PCDHGA11: variants seen among roughly 807,000 people sequenced by gnomAD.
PCDHGA11 encodes protocadherin gamma subfamily A, 11, also known as protocadherin gamma-A11.
In PCDHGA11, 39 loss-of-function variants were observed where a neutral mutation model predicts 60.4. The ratio of observed to expected loss-of-function variants is 0.65; its 90% CI spans 0.50 to 0.84. The LOEUF is 0.84. Ranked by LOEUF, PCDHGA11 falls within the 40% of genes least tolerant of loss-of-function variation. The pLI, the probability that PCDHGA11 is intolerant of heterozygous loss-of-function variation, is 0.00. For synonymous variants in PCDHGA11, 533 were observed against 510.3 expected (o/e 1.04, Z -0.60); for missense variants, 1,165 against 1,197.7 (o/e 0.97, Z 0.40).
chr5:141,501,311 AC>A (rs2099807696), intron 2 of PCDHGA11, among the ~76,000 whole-genome samples: 1 of 151,670 alleles, frequency 6.6e-6, no homozygotes, highest in Non-Finnish European at 1.5e-5. Context: ...ACACACACAC[AC>A]ACACACACAC....
rs777058727 is a variant in PCDHGA11 at position 141,431,947 on chromosome 5, A to G, written c.2433+8287A>G. 6 of 1,614,052 alleles carry G rather than the reference A, an allele frequency of 3.7e-6. No homozygotes were observed. The highest frequency in any genetic ancestry group is 2.2e-5 in the East Asian group (1 of 44,894). ...GAAATCTGCCCTTTAAATTAGAAAAATCTTACGGAAATTACTATAGTTTAG... is the reference window on the plus strand; with the variant it reads ...GAAATCTGCCCTTTAAATTAGAAAAGTCTTACGGAAATTACTATAGTTTAG... On this transcript the variant is annotated intron_variant, in intron 1 of 3. Transcript: ENST00000398587. This position sits in a 1 kb window ranked among gnomAD's most constrained non-coding sequence, Gnocchi z 4.8.
rs756658304 is a variant in PCDHGA11, at chr5:141,485,531, G to C, written c.2434-9276G>C. 6.8e-6 allele frequency: 11 copies of C among 1,614,218 alleles called. No homozygotes were observed. In the Admixed American group the frequency reaches 1.5e-4, roughly 22 times the overall value. On this transcript the variant is annotated intron_variant, in intron 1 of 3. Transcript: ENST00000398587. This position sits in a 1 kb window ranked among gnomAD's most constrained non-coding sequence, Gnocchi z 5.7. ...AGGTCCTTTGGAAATGTACCGAGCA[G>C]AGGTAGAGATCGTAGATGTGAATGA... is the stretch of plus-strand genomic sequence containing the variant.
At chr5:141,502,494 A>G (rs928571740) in intron 2 of PCDHGA11, among the ~76,000 whole-genome samples, 2 of 152,180 alleles carry the variant, frequency 1.3e-5, no homozygotes, top group South Asian at 2.1e-4. Context: ...GGACTCATCT[A>G]ACGTCGGCCT....
Position 141,486,979 on chromosome 5 carries a change from C to T in PCDHGA11, c.2434-7828C>T. On this transcript the variant is annotated intron_variant, in intron 1 of 3. Transcript: ENST00000398587. This position sits in a 1 kb window ranked among gnomAD's most constrained non-coding sequence, Gnocchi z 5.0. ...CTGCTGTGGACTTGGATTCAGGTTACAATGCTTGGGTTTCCTATCAGCTCC... is the reference window on the plus strand; with the variant it reads ...CTGCTGTGGACTTGGATTCAGGTTATAATGCTTGGGTTTCCTATCAGCTCC... 6.2e-7 allele frequency: 1 copy of T among 1,614,200 alleles called. No individual in the cohort carries two copies. Among genetic ancestry groups the T allele is most frequent in the Non-Finnish European group, 8.5e-7 (1 of 1,180,032 alleles).
Position 141,431,706 on chromosome 5 carries a change from AG to A in PCDHGA11, c.2433+8047del. The A allele has an allele frequency of 6.2e-7, 1 of 1,614,248 alleles. No homozygotes were observed. The highest frequency in any genetic ancestry group is 8.5e-7 in the Non-Finnish European group (1 of 1,180,048). ...GACCACGAGGAGTCAGGATTCTACC[AG>A]ATGGAAGTGCAAGCAATGGATAATG... On this transcript the variant is annotated intron_variant, in intron 1 of 3. Coordinates refer to ENST00000398587, the MANE Select transcript of PCDHGA11 (RefSeq NM_018914.3). This position sits in a 1 kb window ranked among gnomAD's most constrained non-coding sequence, Gnocchi z 4.8.
chr5:141,456,047 A>G (rs1321504293), intron 1 of PCDHGA11, among the ~76,000 whole-genome samples: 3 of 151,774 alleles, frequency 2.0e-5, no homozygotes, highest in Non-Finnish European at 4.4e-5. Context: ...ACAGGCGCCC[A>G]CCACCACGTC....
At chr5:141,471,078 T>C (rs1370939177) in intron 1 of PCDHGA11, among the ~76,000 whole-genome samples, 1 of 142,250 alleles carries the variant, frequency 7.0e-6, no homozygotes, top group Non-Finnish European at 1.5e-5. Context: ...AGACAGGGTC[T>C]CCCTCTGTTG....
At chr5:141,428,070 T>G (rs756684090) in intron 1 of PCDHGA11, 7 of 1,609,106 alleles carry the variant, frequency 4.4e-6, no homozygotes, top group Non-Finnish European at 5.1e-6. Context: ...GGACGCAGAT[T>G]CGGGACACAA....
chr5:141,504,765 C>T lies in PCDHGA11; in HGVS notation c.2493-628C>T, dbSNP rs548234873. ...ATTGAATTTTAGAAATTTCTTCTCC[C>T]TGCTCCAGGGTCTCTTGGGGCCTCC... On this transcript the variant is annotated intron_variant, in intron 2 of 3. Transcript: ENST00000398587. Among the ~76,000 whole-genome samples, 4 of 152,156 alleles carry T rather than the reference C, an allele frequency of 2.6e-5. No homozygotes were observed. The South Asian group carries it at 8.3e-4, about 32-fold the overall frequency.
intron 1 of PCDHGA11, chr5:141,428,889 C>G (rs1486441305): frequency 1.3e-5 from 2 of 150,826 alleles, no homozygotes; most frequent in African/African-American, 4.9e-5. Flanking sequence ...GAGTCTCGCT[C>G]TGTGGTCCAG....
rs1252361961 is a variant in PCDHGA11 at position 141,486,106 on chromosome 5, G to A, written c.2434-8701G>A. The A allele has an allele frequency of 2.5e-6, 4 of 1,614,190 alleles. No individual in the cohort carries two copies. The highest frequency in any genetic ancestry group is 1.1e-5 in the South Asian group (1 of 91,086). Reference sequence around the variant, plus strand: ...CTCTTTTGGGGCCCCTAGACTTTGAGAGTGAGAATTACTATGAATTTGATG... The same window carrying A: ...CTCTTTTGGGGCCCCTAGACTTTGAAAGTGAGAATTACTATGAATTTGATG... On this transcript the variant is annotated intron_variant, in intron 1 of 3. Transcript: ENST00000398587. The surrounding 1 kb of genome is among the most constrained non-coding windows in gnomAD (Gnocchi z 5.0).
chr5:141,476,687 A>G lies in PCDHGA11; in HGVS notation c.2434-18120A>G. 1 of 1,614,212 alleles carries G rather than the reference A, an allele frequency of 6.2e-7. No individual in the cohort carries two copies. Among genetic ancestry groups the G allele is most frequent in the Non-Finnish European group, 8.5e-7 (1 of 1,180,044 alleles). On this transcript the variant is annotated intron_variant, in intron 1 of 3. Transcript: ENST00000398587. This position sits in a 1 kb window ranked among gnomAD's most constrained non-coding sequence, Gnocchi z 7.6. ...TCGCGTGCAGACGCGGGAGGACAGC[A>G]CCAAGTACGCGGAGCTGGTGTTGGA... is the stretch of plus-strand genomic sequence containing the variant.
chr5:141,487,749 A>G lies in PCDHGA11; in HGVS notation c.2434-7058A>G, dbSNP rs574710316. 3.9e-5 allele frequency: 60 copies of G among 1,557,180 alleles called. No homozygotes were observed. The African/African-American group carries it at 5.6e-4, about 14-fold the overall frequency. ...GTCACCATTTTTGTAAGAGGTAACT[A>G]TGTGGTAGACGCTGTGCTTTGTAAC... is the stretch of plus-strand genomic sequence containing the variant. On this transcript the variant is annotated intron_variant, in intron 1 of 3. Coordinates refer to ENST00000398587, the MANE Select transcript of PCDHGA11 (RefSeq NM_018914.3). The surrounding 1 kb of genome is among the most constrained non-coding windows in gnomAD (Gnocchi z 5.0).
chr5:141,431,921 G>C lies in PCDHGA11; in HGVS notation c.2433+8261G>C, dbSNP rs775520324. ...CGGACAGGTGATCTGTTTCATCCAA[G>C]GAAATCTGCCCTTTAAATTAGAAAA... On this transcript the variant is annotated intron_variant, in intron 1 of 3. Transcript: ENST00000398587. This position sits in a 1 kb window ranked among gnomAD's most constrained non-coding sequence, Gnocchi z 4.8. 8.7e-6 allele frequency: 14 copies of C among 1,614,024 alleles called. No individual in the cohort carries two copies. Among genetic ancestry groups the C allele is most frequent in the Non-Finnish European group, 1.2e-5 (14 of 1,179,998 alleles).
intron 1 of PCDHGA11, chr5:141,426,194 T>C (rs1482565872): frequency 6.4e-6 from 1 of 155,380 alleles, no homozygotes; most frequent in Non-Finnish European, 1.4e-5. Context: ...ACTGGGAGCA[T>C]TGAGTTTTCT....
rs2096653251 is a variant in PCDHGA11 at position 141,422,508 on chromosome 5, C to T, written c.1281C>T (p.Asp427=). ...ACAATATAACGTTGACAGCCACAGA[C>T]CAGGGAAGCCCGCCTTTGTCTGCAG... ...QSYNITLTAT[D]QGSPPLSAET... is the part of the protein sequence containing the mutation. Residue 427 remains aspartate, a synonymous_variant, in exon 1 of 4, where the codon GAC becomes GAT. Transcript: ENST00000398587. 1 of 1,613,984 alleles carries T rather than the reference C, an allele frequency of 6.2e-7. No individual in the cohort carries two copies. The highest frequency in any genetic ancestry group is 8.5e-7 in the Non-Finnish European group (1 of 1,179,870).
Position 141,490,348 on chromosome 5 carries a change from G to T in PCDHGA11, c.2434-4459G>T, listed in dbSNP as rs2099698964. On this transcript the variant is annotated intron_variant, in intron 1 of 3. Transcript: ENST00000398587. The surrounding 1 kb of genome is among the most constrained non-coding windows in gnomAD (Gnocchi z 5.4). ...GAGCACACCAGTGGGCACAGTAGTG[G>T]GGTTGTTTAATGTGCGAGACCGGGA... The T allele has an allele frequency of 1.2e-6, 2 of 1,614,080 alleles. No homozygotes were observed. The highest frequency in any genetic ancestry group is 3.3e-5 in the Admixed American group (2 of 60,018).
intron 1 of PCDHGA11, among the ~76,000 whole-genome samples, chr5:141,461,616 T>A (rs1399885412): frequency 6.6e-6 from 1 of 152,236 alleles, no homozygotes; most frequent in African/African-American, 2.4e-5. Context: ...CAAAGTATTT[T>A]CTAATACACC....
In PCDHGA11 at chr5:141,422,575, C is replaced by G; in HGVS notation, c.1348C>G (p.Pro450Ala). Reference sequence around the variant, plus strand: ...GAATGTGGCAGATGACAACGATAACCCTCCCGTTTTTCCTCACTCCTCTTA... The same window carrying G: ...GAATGTGGCAGATGACAACGATAACGCTCCCGTTTTTCCTCACTCCTCTTA... ...WLNVADDNDN[P>A]PVFPHSSYSA... Residue 450 changes from proline (P) to alanine (A), a missense_variant, in exon 1 of 4, where the codon CCT becomes GCT. By Grantham distance (27) the Pro-to-Ala change is conservative (BLOSUM62 -1). Coordinates refer to ENST00000398587, the MANE Select transcript of PCDHGA11 (RefSeq NM_018914.3). 1 of 1,613,976 alleles carries G rather than the reference C, an allele frequency of 6.2e-7. No homozygotes were observed. Among genetic ancestry groups the G allele is most frequent in the Non-Finnish European group, 8.5e-7 (1 of 1,179,928 alleles).
Sources: allele counts gnomAD v4.1 joint callset (sites outside exome capture counted in the v4.1 genomes callset), GRCh38; gene constraint gnomAD v4.1.1; non-coding constraint Gnocchi (gnomAD v3.1); transcripts MANE v1.5; gene names NCBI Gene and HGNC (gene_info 2026-07-23, HGNC 2026-07-21).